CENPK: variants seen among roughly 807,000 people sequenced by gnomAD.
CENPK encodes SoxLZ/Sox6-binding protein Solt.
In CENPK, 46 loss-of-function variants were observed where a neutral mutation model predicts 40.9. The observed-to-expected ratio is 1.13, with a 90% confidence interval of 0.89 to 1.44. The LOEUF (loss-of-function observed/expected upper bound fraction) is 1.44, where lower values mean the gene tolerates loss of function less well. Among genes scored for constraint, CENPK ranks in the 40% most tolerant of loss-of-function variants. The pLI is 0.00. For missense variants in CENPK, 288 were observed against 303.5 expected (o/e 0.95, Z 0.38); for synonymous variants, 107 against 104.4 (o/e 1.02, Z -0.15).
downstream of CENPK, among the ~76,000 whole-genome samples, chr5:65,515,289 C>A (rs935559253): frequency 6.7e-6 from 1 of 149,618 alleles, no homozygotes; most frequent in Admixed American, 6.8e-5. Context: ...CTGCAAGCTC[C>A]GCCTCCCGGG....
At chr5:65,524,570 A>C (rs1744340825) in intron 9 of CENPK, 1 of 152,840 alleles carries the variant, frequency 6.5e-6, no homozygotes, top group Non-Finnish European at 1.5e-5. Context: ...GTCCCAAGCT[A>C]CTCAGGAGGC....
At chr5:65,544,935 T>G (rs1249171079) in intron 5 of CENPK, among the ~76,000 whole-genome samples, 4 of 152,182 alleles carry the variant, frequency 2.6e-5, no homozygotes, top group African/African-American at 7.2e-5. Flanking sequence ...ATGAAAAAGT[T>G]CTGAAGATAC....
Position 65,546,282 on chromosome 5 carries a change from A to C in CENPK, c.242-3434T>G, listed in dbSNP as rs965396271. Among the ~76,000 whole-genome samples, 6 of 152,340 alleles carry C rather than the reference A, an allele frequency of 3.9e-5. 1 individual carries two copies. Among genetic ancestry groups the C allele is most frequent in the Middle Eastern group, 3.4e-3 (1 of 294 alleles). On this transcript the variant is annotated intron_variant, in intron 5 of 10. Transcript: ENST00000396679. ...TGGCCTCCCAAAGTGCTGGGATTAC[A>C]GACGTGAGCCACCACACCCGGCTGT...
chr5:65,514,607 G>T (rs754527968), downstream of CENPK, among the ~76,000 whole-genome samples: 1 of 152,190 alleles, frequency 6.6e-6, no homozygotes, highest in Non-Finnish European at 1.5e-5. Context: ...CTATTTTCTA[G>T]AACAGACTGT....
intron 10 of CENPK, among the ~76,000 whole-genome samples, chr5:65,520,425 AAC>A (rs1445024398): frequency 6.6e-6 from 1 of 152,196 alleles, no homozygotes; most frequent in Non-Finnish European, 1.5e-5. Flanking sequence ...AGAATGGCCT[AAC>A]ACAGATGGTA....
At chr5:65,526,570 A>G (rs1744747881) in intron 9 of CENPK, among the ~76,000 whole-genome samples, 1 of 152,236 alleles carries the variant, frequency 6.6e-6, no homozygotes, top group African/African-American at 2.4e-5. Flanking sequence ...AGATACAAAG[A>G]TGAATTAAAC....
chr5:65,518,416 T>C lies in CENPK; in HGVS notation c.*59A>G. 2.6e-6 allele frequency: 4 copies of C among 1,515,776 alleles called. No individual in the cohort carries two copies. Among genetic ancestry groups the C allele is most frequent in the Non-Finnish European group, 3.6e-6 (4 of 1,112,098 alleles). The allele number at this position is 1,515,776 out of a possible 1,614,324, so 93.9% of individuals were successfully genotyped here. On this transcript the variant is annotated 3_prime_UTR_variant, in exon 11 of 11. Transcript: ENST00000396679. ...AATGTTTTTTATCCAAATAGTCCTG[T>C]GGTTCCAATATCCTTGAATGATAAG...
chr5:65,516,711 C>G (rs1742882710), downstream of CENPK, among the ~76,000 whole-genome samples: 1 of 147,220 alleles, frequency 6.8e-6, no homozygotes, highest in Non-Finnish European at 1.5e-5. Context: ...AAAAAAAAAG[C>G]AAGATTCCAT....
chr5:65,559,553 C>T (rs1197821573), intron 2 of CENPK, among the ~76,000 whole-genome samples: 2 of 149,392 alleles, frequency 1.3e-5, no homozygotes, highest in South Asian at 2.1e-4. Flanking sequence ...GGCGTGAACC[C>T]GGGAGGCGGA....
chr5:65,541,722 G>T (rs182903892), intron 6 of CENPK, among the ~76,000 whole-genome samples: 4 of 152,180 alleles, frequency 2.6e-5, no homozygotes, highest in Non-Finnish European at 4.4e-5. Context: ...GCCTTTAAAG[G>T]TCTGCTCACA....
downstream of CENPK, among the ~76,000 whole-genome samples, chr5:65,515,038 TTTA>T (rs1291729990): frequency 6.6e-6 from 1 of 151,932 alleles, no homozygotes; most frequent in African/African-American, 2.4e-5. Flanking sequence ...TTGTTTCAAT[TTTA>T]TTGATTTCTA....
At chr5:65,544,453 T>C (rs10940043) in intron 5 of CENPK, among the ~76,000 whole-genome samples, 61,791 of 151,920 alleles carry the variant, frequency 0.41, 12,923 homozygotes, top group East Asian at 0.65. Context: ...AAATATGGTG[T>C]GACCATTATG....
intron 6 of CENPK, among the ~76,000 whole-genome samples, chr5:65,540,825 T>C (rs1374855866): frequency 8.1e-6 from 1 of 123,636 alleles, no homozygotes; most frequent in Non-Finnish European, 1.8e-5. Context: ...TTTTTTTTTT[T>C]GAGACAGGGT....
intron 6 of CENPK, among the ~76,000 whole-genome samples, chr5:65,532,052 G>C (rs1745940534): frequency 6.6e-6 from 1 of 152,126 alleles, no homozygotes. Flanking sequence ...CCAATATCAG[G>C]AATGAGAGAG....
downstream of CENPK, among the ~76,000 whole-genome samples, chr5:65,515,151 A>T (rs1233742379): frequency 6.6e-6 from 1 of 151,216 alleles, no homozygotes; most frequent in Non-Finnish European, 1.5e-5. Flanking sequence ...CAATATATGC[A>T]CTCAATACTA....
chr5:65,508,284 T>C, the CENPK span, among the ~76,000 whole-genome samples: 1 of 152,226 alleles, frequency 6.6e-6, no homozygotes, highest in African/African-American at 2.4e-5. Context: ...CTAGGGTATT[T>C]GCCTAAAGAC....
the CENPK span, among the ~76,000 whole-genome samples, chr5:65,510,513 G>A: frequency 3.3e-5 from 5 of 152,154 alleles, no homozygotes; most frequent in African/African-American, 1.2e-4. Context: ...GGTGGCTAAC[G>A]CCTGTAATCC....
chr5:65,527,498 C>CAT (rs70983674), intron 9 of CENPK, among the ~76,000 whole-genome samples: 12 of 91,702 alleles, frequency 1.3e-4, no homozygotes, highest in Non-Finnish European at 1.9e-4. Context: ...TTATTAACAC[C>CAT]ATATATATAT....
Position 65,554,866 on chromosome 5 carries a change from C to G in CENPK, c.42G>C (p.Val14=). 6.2e-7 allele frequency: 1 copy of G among 1,605,614 alleles called. No homozygotes were observed. The highest frequency in any genetic ancestry group is 8.5e-7 in the Non-Finnish European group (1 of 1,172,576). The part of the protein sequence containing the change: ...EDLDPDSTTD[V]GDVTNTEEEL... ...CTTCTTCAGTATTTGTAACATCTCC[C>G]ACATCTGTAGTACTATCCGGATCTA... is the stretch of plus-strand genomic sequence containing the variant. Residue 14 remains valine, a synonymous_variant, in exon 3 of 11, where the codon GTG becomes GTC. Coordinates refer to ENST00000396679, the MANE Select transcript of CENPK (RefSeq NM_022145.5).
Sources: allele counts gnomAD v4.1 joint callset (sites outside exome capture counted in the v4.1 genomes callset), GRCh38; gene constraint gnomAD v4.1.1; transcripts MANE v1.5; gene names NCBI Gene and HGNC (gene_info 2026-07-23, HGNC 2026-07-21).